ZSWIM5: variants seen among roughly 807,000 people sequenced by gnomAD.
ZSWIM5 encodes zinc finger SWIM domain-containing protein 5.
ZSWIM5 carries 55 observed loss-of-function variants against 119.6 expected under a neutral mutation model. The ratio of observed to expected loss-of-function variants is 0.46; its 90% CI spans 0.37 to 0.58. The LOEUF is 0.58. Among genes scored for constraint, ZSWIM5 ranks in the 20% least tolerant of loss-of-function variants. The pLI is 0.00. For missense variants in ZSWIM5, 1,193 were observed against 1,512.8 expected (o/e 0.79, Z 3.51); for synonymous variants, 537 against 606.9 (o/e 0.88, Z 1.69).
At chr1:45,175,276 C>A (rs1380920996) in intron 1 of ZSWIM5, among the ~76,000 whole-genome samples, 1 of 152,096 alleles carries the variant, frequency 6.6e-6, no homozygotes, top group Non-Finnish European at 1.5e-5. Flanking sequence ...AAATGGCACA[C>A]AATTTTGATT....
chr1:45,132,414 C>A (rs903221286), intron 1 of ZSWIM5, among the ~76,000 whole-genome samples: 1 of 152,064 alleles, frequency 6.6e-6, no homozygotes, highest in African/African-American at 2.4e-5. Context: ...AAACAAATTA[C>A]TGGGACACTG....
At chr1:45,196,019 C>A (rs1239752756) in intron 1 of ZSWIM5, among the ~76,000 whole-genome samples, 1 of 148,354 alleles carries the variant, frequency 6.7e-6, no homozygotes, top group African/African-American at 2.5e-5. Flanking sequence ...AGGTGAGCAC[C>A]GTTACACCCA....
chr1:45,087,747 A>T, intron 2 of ZSWIM5, 134 bp downstream of exon 2: 1 of 676,670 alleles, frequency 1.5e-6, no homozygotes, highest in Non-Finnish European at 2.6e-6. Context: ...GATTAAAGTT[A>T]AGTGATTGCA....
At chr1:45,130,899 A>C (rs1033960233) in intron 1 of ZSWIM5, among the ~76,000 whole-genome samples, 3 of 152,216 alleles carry the variant, frequency 2.0e-5, no homozygotes, top group African/African-American at 7.2e-5. Context: ...CTCAACAATA[A>C]AAAAACATGC....
chr1:45,203,860 G>A (rs1646171897), intron 1 of ZSWIM5, among the ~76,000 whole-genome samples: 1 of 152,034 alleles, frequency 6.6e-6, no homozygotes. Context: ...TAAACTTAAA[G>A]TGATAAATTT....
At chr1:45,143,178 A>G (rs1357660325) in intron 1 of ZSWIM5, among the ~76,000 whole-genome samples, 1 of 150,900 alleles carries the variant, frequency 6.6e-6, no homozygotes, top group Non-Finnish European at 1.5e-5. Context: ...TCTCAAAAAA[A>G]AAAAAAAAAA....
In ZSWIM5 at chr1:45,070,373, C is replaced by T; in HGVS notation, c.953-10126G>A. 2.8e-6 allele frequency: 4 copies of T among 1,429,818 alleles called. No individual in the cohort carries two copies. The South Asian group carries it at 4.6e-5, about 16-fold the overall frequency. 88.6% of individuals were successfully genotyped at this position (1,429,818 alleles called of 1,614,324 possible). Reference sequence around the variant, plus strand: ...GCATGGGCAGCCAGGGTGGCTTCTTCAGCTTCAGGTTAGGACATTCGAGCA... The same window carrying T: ...GCATGGGCAGCCAGGGTGGCTTCTTTAGCTTCAGGTTAGGACATTCGAGCA... On this transcript the variant is annotated intron_variant, in intron 2 of 13. Coordinates refer to ENST00000359600, the MANE Select transcript of ZSWIM5 (RefSeq NM_020883.2).
intron 4 of ZSWIM5, among the ~76,000 whole-genome samples, chr1:45,053,489 C>T (rs952378970): frequency 6.6e-6 from 1 of 151,924 alleles, no homozygotes; most frequent in African/African-American, 2.4e-5. Context: ...TGGCCGGGTG[C>T]GGTGGCTCAT....
chr1:45,035,595 A>T, intron 10 of ZSWIM5, 93 bp downstream of exon 10: 1 of 1,500,024 alleles, frequency 6.7e-7, no homozygotes, highest in Non-Finnish European at 9.0e-7. Flanking sequence ...AATGACAAAG[A>T]GGGAAAGAAA....
At chr1:45,043,167 C>T (rs1645026096) in intron 6 of ZSWIM5, 52 bp downstream of exon 6, 6 of 1,581,326 alleles carry the variant, frequency 3.8e-6, no homozygotes, top group Non-Finnish European at 5.2e-6. Flanking sequence ...TCATTTGGGC[C>T]TGGCATGAAG....
At position 45,060,143 on chromosome 1, in the gene ZSWIM5, C is replaced by A. The variant is rs189349232; in HGVS notation, c.1057G>T (p.Gly353Cys). Residue 353 changes from glycine (G) to cysteine (C), a missense_variant, in exon 3 of 14, where the codon GGT becomes TGT. Physicochemically the swap from Gly to Cys is radical, Grantham distance 159. Coordinates refer to ENST00000359600, the MANE Select transcript of ZSWIM5 (RefSeq NM_020883.2). ...AGTTGCTTTCCAGAGCCACAGTAAC[C>A]GCCCTGGGAGAGAAAAAGCTTCACT... The part of the protein sequence containing the change: ...EQVKLFLSQG[G>C]YCGSGKQLNS... The A allele has an allele frequency of 6.2e-7, 1 of 1,614,130 alleles. No individual in the cohort carries two copies. The highest frequency in any genetic ancestry group is 2.2e-5 in the East Asian group (1 of 44,884).
intron 2 of ZSWIM5, among the ~76,000 whole-genome samples, chr1:45,075,825 CT>C (rs763566649): frequency 1.9e-4 from 28 of 147,608 alleles, no homozygotes; most frequent in East Asian, 1.2e-3. Flanking sequence ...AGGTAACTTT[CT>C]CTGGTGATAT....
rs779216516 is a variant in ZSWIM5 at position 45,206,173 on chromosome 1, G to A, written c.178C>T (p.Leu60=). 2 of 1,606,030 alleles carry A rather than the reference G, an allele frequency of 1.2e-6. No homozygotes were observed. The highest frequency in any genetic ancestry group is 1.7e-5 in the Admixed American group (1 of 59,310). The change falls in exon 1 of 14, where the codon CTG becomes TTG. Residue 60 remains leucine (L), a synonymous_variant. Coordinates refer to ENST00000359600, the MANE Select transcript of ZSWIM5 (RefSeq NM_020883.2). ...CAGTCCAGTAAGGAATCCGGCTGCA[G>A]GTGGGGGCGGGCCCCGAGGACCAGG... The part of the protein sequence containing the change: ...SCLVLGARPH[L]QPDSLLDCAA...
intron 1 of ZSWIM5, among the ~76,000 whole-genome samples, chr1:45,122,011 AT>A (rs1193046864): frequency 2.6e-5 from 4 of 152,172 alleles, no homozygotes; most frequent in African/African-American, 9.7e-5. Context: ...ATGATCTCAA[AT>A]TATACTGATT....
At chr1:45,047,057 T>G (rs760435240) in intron 5 of ZSWIM5, among the ~76,000 whole-genome samples, 1 of 148,708 alleles carries the variant, frequency 6.7e-6, no homozygotes, top group Non-Finnish European at 1.5e-5. Flanking sequence ...GGTGGTCTGA[T>G]GACAGATCCC....
At chr1:45,101,129 T>G (rs969087111) in intron 1 of ZSWIM5, among the ~76,000 whole-genome samples, 6 of 152,088 alleles carry the variant, frequency 3.9e-5, no homozygotes, top group African/African-American at 1.4e-4. Context: ...GGGAGAAAAT[T>G]TTTGCAATCT....
chr1:45,149,007 C>A lies in ZSWIM5; in HGVS notation c.595+56749G>T, dbSNP rs1040404927. ...TTGTGGCTGGGCATGGTGGCCCATG[C>A]CTTGTAAGCCCAGCACTTTAGAAAG... On this transcript the variant is annotated intron_variant, in intron 1 of 13. Transcript: ENST00000359600. Among the ~76,000 whole-genome samples the A allele has an allele frequency of 4.6e-5, 7 of 152,232 alleles. No individual in the cohort carries two copies. In the South Asian group the frequency reaches 1.5e-3, roughly 32 times the overall value.
chr1:45,181,317 T>G (rs1646017322), intron 1 of ZSWIM5, among the ~76,000 whole-genome samples: 1 of 151,900 alleles, frequency 6.6e-6, no homozygotes, highest in Non-Finnish European at 1.5e-5. Flanking sequence ...TGCGATCAAC[T>G]GGAAGAAAGG....
At chr1:45,166,667 T>C (rs1168851136) in intron 1 of ZSWIM5, among the ~76,000 whole-genome samples, 1 of 152,080 alleles carries the variant, frequency 6.6e-6, no homozygotes, top group South Asian at 2.1e-4. Context: ...AGCATTCCTA[T>C]ACACCAATAA....
Sources: allele counts gnomAD v4.1 joint callset (sites outside exome capture counted in the v4.1 genomes callset), GRCh38; gene constraint gnomAD v4.1.1; transcripts MANE v1.5; gene names NCBI Gene and HGNC (gene_info 2026-07-23, HGNC 2026-07-21).